Variants in KCNT2 observed in about 807,000 individuals in gnomAD.
The protein encoded by KCNT2 is potassium channel subfamily T member 2.
Under a neutral mutation model 153.8 loss-of-function variants are expected in KCNT2, and 67 were observed. The observed-to-expected ratio is 0.44, with a 90% confidence interval of 0.36 to 0.53. The LOEUF (loss-of-function observed/expected upper bound fraction) is 0.53, where lower values mean the gene tolerates loss of function less well. Among genes scored for constraint, KCNT2 ranks in the 20% least tolerant of loss-of-function variants. The pLI is 0.00. For synonymous variants in KCNT2, 500 were observed against 458.8 expected, an observed-to-expected ratio of 1.09 and a Z score of -1.15; for missense variants, 975 against 1,354.8, an observed-to-expected ratio of 0.72 and a Z score of 4.40.
chr1:196,401,688 T>G (rs1671427595), intron 12 of KCNT2, among the ~76,000 whole-genome samples: 1 of 151,624 alleles, frequency 6.6e-6, no homozygotes, highest in South Asian at 2.1e-4. Flanking sequence ...GTTCAGGAAC[T>G]TGTGTAACAC....
intron 17 of KCNT2, among the ~76,000 whole-genome samples, chr1:196,333,022 T>C (rs1664639924): frequency 6.6e-6 from 1 of 151,886 alleles, no homozygotes. Flanking sequence ...ACTCCTGACC[T>C]CAAATGATCC....
chr1:196,351,018 A>G (rs1180633782), intron 14 of KCNT2, among the ~76,000 whole-genome samples: 1 of 152,094 alleles, frequency 6.6e-6, no homozygotes, highest in African/African-American at 2.4e-5. Flanking sequence ...AGTTGTAGAT[A>G]TGTGGCGTTA....
intron 1 of KCNT2, among the ~76,000 whole-genome samples, chr1:196,533,881 G>A (rs1655239900): frequency 6.6e-6 from 1 of 152,156 alleles, no homozygotes; most frequent in African/African-American, 2.4e-5. Flanking sequence ...TAAAGAATGG[G>A]TATGTTGAGT....
intron 5 of KCNT2, among the ~76,000 whole-genome samples, chr1:196,473,636 T>C (rs1678281397): frequency 6.6e-6 from 1 of 152,228 alleles, no homozygotes; most frequent in Admixed American, 6.5e-5. Flanking sequence ...TTTTCAGTTA[T>C]ATGCATTGAG....
At chr1:196,460,674 A>T (rs1572532129) in intron 8 of KCNT2, among the ~76,000 whole-genome samples, 1 of 151,748 alleles carries the variant, frequency 6.6e-6, no homozygotes, top group East Asian at 1.9e-4. Context: ...ACAGACTACA[A>T]GAAAGTGTCA....
chr1:196,570,100 T>TAAAAAAAAAAAAAAAAAAAAAAAAA (rs1553256605), intron 1 of KCNT2, among the ~76,000 whole-genome samples: 3 of 129,536 alleles, frequency 2.3e-5, no homozygotes, highest in African/African-American at 1.2e-4. Context: ...AAAAAAAAAT[T>TAAAAAAAAAAAAAAAAAAAAAAAAA]AAAGGCCTTT....
chr1:196,257,186 A>T, intron 26 of KCNT2: 1 of 948,916 alleles, frequency 1.1e-6, no homozygotes, highest in Non-Finnish European at 1.3e-6. Flanking sequence ...ACAAGAATAT[A>T]CACATAAAGC....
At chr1:196,401,466 CAT>C (rs1671410194) in intron 12 of KCNT2, among the ~76,000 whole-genome samples, 1 of 151,594 alleles carries the variant, frequency 6.6e-6, no homozygotes, top group Non-Finnish European at 1.5e-5. Flanking sequence ...TAATGAAAAA[CAT>C]GTTTGTAATA....
intron 14 of KCNT2, among the ~76,000 whole-genome samples, chr1:196,369,162 A>G (rs1045961140): frequency 3.9e-5 from 6 of 152,150 alleles, no homozygotes. Flanking sequence ...AAGAAAATGA[A>G]TTGCTAAATT....
chr1:196,385,125 T>C (rs1047281448), intron 13 of KCNT2, among the ~76,000 whole-genome samples: 7 of 152,222 alleles, frequency 4.6e-5, no homozygotes, highest in Non-Finnish European at 8.8e-5. Context: ...CCAAATGTTT[T>C]GTCTTGTTGG....
intron 1 of KCNT2, among the ~76,000 whole-genome samples, chr1:196,545,674 C>G (rs1656975330): frequency 1.3e-5 from 2 of 151,920 alleles, no homozygotes; most frequent in African/African-American, 4.8e-5. Flanking sequence ...TTTCAGCACC[C>G]CAAAAGAAAT....
chr1:196,467,773 G>C lies in KCNT2; in HGVS notation c.473C>G (p.Ser158Cys), dbSNP rs1267826288. The C allele has an allele frequency of 6.2e-7, 1 of 1,601,332 alleles. No individual in the cohort carries two copies. The highest frequency in any genetic ancestry group is 1.3e-5 in the African/African-American group (1 of 74,860). The change falls in exon 7 of 28, where the codon TCC becomes TGC. Residue 158 changes from serine to cysteine, a missense_variant. Around this residue, in one of 6 missense-constraint regions of KCNT2, gnomAD observed 140 missense variants for 216.0 expected, o/e 0.65. Coordinates refer to ENST00000294725, the MANE Select transcript of KCNT2 (RefSeq NM_198503.5). ...VPFIISIFWP[S>C]LRNLFVPVFL... is the part of the protein sequence containing the mutation. Reference sequence around the variant, plus strand: ...GACTGGGACAAATAGATTCCTTAAGGAAGGCCAGAATATCTGGAAAACAAA... The same window carrying C: ...GACTGGGACAAATAGATTCCTTAAGCAAGGCCAGAATATCTGGAAAACAAA...
chr1:196,593,311 T>TATATATATACACAC (rs1256165838), intron 1 of KCNT2, among the ~76,000 whole-genome samples: 52 of 140,204 alleles, frequency 3.7e-4, no homozygotes, highest in African/African-American at 1.4e-3. Context: ...TATATATATA[T>TATATATATACACAC]ACACACACAC....
At chr1:196,594,766 T>A (rs1663843434) in intron 1 of KCNT2, among the ~76,000 whole-genome samples, 1 of 152,014 alleles carries the variant, frequency 6.6e-6, no homozygotes, top group South Asian at 2.1e-4. Context: ...CAGCCTCAGA[T>A]CATGGTATGA....
chr1:196,512,935 G>C (rs1444545528), intron 1 of KCNT2, among the ~76,000 whole-genome samples: 1 of 152,050 alleles, frequency 6.6e-6, no homozygotes, highest in Non-Finnish European at 1.5e-5. Flanking sequence ...CCTAGGGTGA[G>C]TGATGTATAG....
In KCNT2 at chr1:196,306,463, T is replaced by G. The variant is rs565333382; in HGVS notation, c.2484-1118A>C. On this transcript the variant is annotated intron_variant, in intron 21 of 27. Transcript: ENST00000294725. ...CATGCTTCTTTTAAGATGGGAGCCC[T>G]GTCCTTGAGCTCCAGCATTACAGAC... Among the ~76,000 whole-genome samples the G allele has an allele frequency of 7.9e-5, 12 of 152,240 alleles. No homozygotes were observed. In the South Asian group the frequency reaches 2.5e-3, roughly 32 times the overall value.
At position 196,387,597 on chromosome 1, in the gene KCNT2, T is replaced by A. The variant is rs113693630; in HGVS notation, c.1294+10966A>T. Among the ~76,000 whole-genome samples, 202 of 152,114 alleles carry A rather than the reference T, an allele frequency of 1.3e-3. 2 individuals carry two copies. The highest frequency in any genetic ancestry group is 4.7e-3 in the African/African-American group (196 of 41,576). On this transcript the variant is annotated intron_variant, in intron 13 of 27. Transcript: ENST00000294725. ...TTCAGTCACATGATACTAAGAATCC[T>A]TTTAATGTTTGGCATTCTGTGTGTG...
At chr1:196,434,047 C>T (rs1437167541) in intron 8 of KCNT2, among the ~76,000 whole-genome samples, 1 of 151,964 alleles carries the variant, frequency 6.6e-6, no homozygotes, top group Non-Finnish European at 1.5e-5. Flanking sequence ...TTTGTGTGAG[C>T]TGCCAGACTG....
Position 196,280,906 on chromosome 1 carries a change from G to A in KCNT2, c.2864C>T (p.Pro955Leu). 6.2e-7 allele frequency: 1 copy of A among 1,610,078 alleles called. No homozygotes were observed. The highest frequency in any genetic ancestry group is 1.1e-5 in the South Asian group (1 of 91,026). ...QKLCSSTGDV[P>L]IGIYRTESQK... ...AGACTCAGTCCTGTAGATTCCAATGGGAACATCTCCAGTAGAAGAACACAA... is the reference window on the plus strand; with the variant it reads ...AGACTCAGTCCTGTAGATTCCAATGAGAACATCTCCAGTAGAAGAACACAA... Residue 955 changes from proline to leucine, a missense_variant, in exon 25 of 28, where the codon CCC (proline) becomes CTC (leucine). Pro to Leu is a moderately conservative substitution (Grantham distance 98). Around this residue, in one of 6 missense-constraint regions of KCNT2, gnomAD observed 241 missense variants for 271.1 expected, o/e 0.89. Transcript: ENST00000294725.
Sources: allele counts gnomAD v4.1 joint callset (sites outside exome capture counted in the v4.1 genomes callset), GRCh38; gene constraint gnomAD v4.1.1; regional missense constraint gnomAD v4.1.1; transcripts MANE v1.5; gene names NCBI Gene and HGNC (gene_info 2026-07-23, HGNC 2026-07-21).